Variants in TUSC3 observed in about 807,000 individuals in gnomAD.
The protein encoded by TUSC3 is tumor suppressor candidate 3.
Under a neutral mutation model 44.8 loss-of-function variants are expected in TUSC3, and 45 were observed. The ratio of observed to expected loss-of-function variants is 1.00; its 90% CI spans 0.79 to 1.29. The LOEUF (loss-of-function observed/expected upper bound fraction) is 1.29. Ranked by LOEUF, TUSC3 falls within the 50% of genes most tolerant of loss-of-function variation. TUSC3 has a pLI of 0.00. For synonymous variants in TUSC3, 212 were observed against 152.9 expected (o/e 1.39, Z -2.85); for missense variants, 519 against 437.9 (o/e 1.19, Z -1.65).
intron 1 of TUSC3, among the ~76,000 whole-genome samples, chr8:15,602,766 A>C (rs952651662): frequency 6.6e-6 from 1 of 151,334 alleles, no homozygotes. Flanking sequence ...CCTAATATGT[A>C]GTATGAGTTT....
chr8:15,639,952 C>T (rs1437684502), intron 2 of TUSC3, among the ~76,000 whole-genome samples: 1 of 151,968 alleles, frequency 6.6e-6, no homozygotes, highest in Non-Finnish European at 1.5e-5. Flanking sequence ...TATCATGTGC[C>T]CATGCAGAAG....
chr8:15,825,458 G>C, the TUSC3 span, among the ~76,000 whole-genome samples: 1 of 151,978 alleles, frequency 6.6e-6, no homozygotes, highest in Non-Finnish European at 1.5e-5. Flanking sequence ...CAGCATTGTG[G>C]AAAGACCTGT....
intron 3 of TUSC3, among the ~76,000 whole-genome samples, chr8:15,658,637 T>C (rs200271527): frequency 0.15 from 16,543 of 112,190 alleles, 1,544 homozygotes; most frequent in African/African-American, 0.3. Flanking sequence ...TACACATATA[T>C]ATACACACAC....
At chr8:15,581,459 T>G (rs1803330133) in intron 1 of TUSC3, among the ~76,000 whole-genome samples, 1 of 148,512 alleles carries the variant, frequency 6.7e-6, no homozygotes, top group South Asian at 2.1e-4. Context: ...TTATCTACTT[T>G]TGGTCTTTGA....
chr8:15,584,376 T>C (rs1803507910), intron 1 of TUSC3, among the ~76,000 whole-genome samples: 2 of 152,196 alleles, frequency 1.3e-5, no homozygotes. Context: ...AGGAATTGTC[T>C]TACAATTCTC....
intron 2 of TUSC3, among the ~76,000 whole-genome samples, chr8:15,648,084 C>G (rs909377946): frequency 6.6e-6 from 1 of 152,086 alleles, no homozygotes; most frequent in South Asian, 2.1e-4. Context: ...CTCTGTTTCA[C>G]CTCTCCTCTA....
intron 2 of TUSC3, among the ~76,000 whole-genome samples, chr8:15,517,245 T>C (rs17121578): frequency 0.034 from 5,154 of 152,136 alleles, 256 homozygotes; most frequent in African/African-American, 0.12. Context: ...GAAGAACAAA[T>C]AATTGATTTG....
intron 1 of TUSC3, among the ~76,000 whole-genome samples, chr8:15,584,420 G>A (rs1803509889): frequency 6.6e-6 from 1 of 152,146 alleles, no homozygotes; most frequent in African/African-American, 2.4e-5. Flanking sequence ...CATTGATCAT[G>A]CATTAAATGA....
intron 2 of TUSC3, among the ~76,000 whole-genome samples, chr8:15,515,040 C>G (rs527603239): frequency 2.5e-4 from 38 of 151,984 alleles, no homozygotes; most frequent in African/African-American, 8.7e-4. Flanking sequence ...TTGTTTTTTT[C>G]TGGATTCTCA....
chr8:15,609,343 C>A (rs1804663786), intron 1 of TUSC3, among the ~76,000 whole-genome samples: 1 of 152,150 alleles, frequency 6.6e-6, no homozygotes, highest in Admixed American at 6.6e-5. Flanking sequence ...CTGCTATACT[C>A]ATTTACACTG....
chr8:15,611,395 G>T (rs1194494432), intron 1 of TUSC3, among the ~76,000 whole-genome samples: 1 of 152,096 alleles, frequency 6.6e-6, no homozygotes, highest in Non-Finnish European at 1.5e-5. Context: ...CACCATGTTG[G>T]CTAGGGTGGT....
At chr8:15,733,011 T>C (rs1810785480) in intron 7 of TUSC3, among the ~76,000 whole-genome samples, 1 of 152,224 alleles carries the variant, frequency 6.6e-6, no homozygotes, top group African/African-American at 2.4e-5. Flanking sequence ...TGTTTGGCTC[T>C]AGTTTGTCTC....
chr8:15,590,454 T>C (rs1468892025), intron 1 of TUSC3, among the ~76,000 whole-genome samples: 1 of 152,080 alleles, frequency 6.6e-6, no homozygotes, highest in Non-Finnish European at 1.5e-5. Context: ...CTAACTTTCT[T>C]CTCTCTCCCA....
At chr8:15,715,664 A>AG (rs546488962) in intron 6 of TUSC3, among the ~76,000 whole-genome samples, 1 of 152,002 alleles carries the variant, frequency 6.6e-6, no homozygotes, top group African/African-American at 2.4e-5. Flanking sequence ...ACCAAAGATA[A>AG]GGGGGGACTA....
At chr8:15,496,819 A>T (rs1411124375) in intron 2 of TUSC3, among the ~76,000 whole-genome samples, 2 of 152,304 alleles carry the variant, frequency 1.3e-5, no homozygotes, top group East Asian at 3.9e-4. Context: ...GATACATCAC[A>T]CCAACTAATT....
chr8:15,726,058 C>T (rs893870439), intron 6 of TUSC3, among the ~76,000 whole-genome samples: 3 of 152,130 alleles, frequency 2.0e-5, no homozygotes, highest in African/African-American at 7.2e-5. Flanking sequence ...CGGAACATTA[C>T]GTGTTTAAAA....
intron 1 of TUSC3, among the ~76,000 whole-genome samples, chr8:15,459,565 T>C (rs1800312238): frequency 1.3e-5 from 2 of 152,100 alleles, no homozygotes; most frequent in Admixed American, 6.6e-5. Context: ...GGTGCAGCCA[T>C]CGCCCAAGCA....
At chr8:15,649,639 T>G (rs1806796525) in intron 2 of TUSC3, among the ~76,000 whole-genome samples, 1 of 152,188 alleles carries the variant, frequency 6.6e-6, no homozygotes, top group Non-Finnish European at 1.5e-5. Flanking sequence ...GCTTCATGTT[T>G]TTTTTAAATC....
At chr8:15,773,217 T>G in the TUSC3 span, among the ~76,000 whole-genome samples, 4 of 152,122 alleles carry the variant, frequency 2.6e-5, no homozygotes, top group Non-Finnish European at 5.9e-5. Context: ...TGGCATGATA[T>G]ACATAAAGTA....
Sources: allele counts gnomAD v4.1 joint callset (sites outside exome capture counted in the v4.1 genomes callset), GRCh38; gene constraint gnomAD v4.1.1; transcripts MANE v1.5; gene names NCBI Gene and HGNC (gene_info 2026-07-23, HGNC 2026-07-21).